Variants in LRCH2 observed in about 807,000 individuals in gnomAD.
LRCH2 encodes the protein leucine rich repeats and calponin homology domain containing 2, also known as leucine-rich repeat and calponin homology domain-containing protein 2.
In LRCH2, 38 loss-of-function variants were observed where a neutral mutation model predicts 68.9. That is an observed-to-expected ratio of 0.55 (90% CI 0.43 to 0.72). The LOEUF (loss-of-function observed/expected upper bound fraction) is 0.72. LRCH2 is among the 30% of genes least tolerant of loss of function. The probability of loss-of-function intolerance (pLI) is 0.00; values close to 1 mark genes in which losing one functional copy is unlikely to be tolerated. For missense variants in LRCH2, 528 were observed against 572.9 expected (o/e 0.92, Z 0.80); for synonymous variants, 191 against 208.1 (o/e 0.92, Z 0.71).
At chrX:115,217,383 C>A (rs1484260087) in intron 1 of LRCH2, among the ~76,000 whole-genome samples, 4 of 110,599 alleles carry the variant, frequency 3.6e-5, no homozygotes, top group Non-Finnish European at 7.6e-5. Flanking sequence ...CCCCTGGCCT[C>A]CCACCCCACA....
intron 1 of LRCH2, chrX:115,191,948 A>G (rs782388704): frequency 6.0e-6 from 7 of 1,163,179 alleles, no homozygotes; most frequent in East Asian, 6.6e-5. Context: ...CACTCACCCA[A>G]CGCCTACAGT....
At chrX:115,156,861 T>C (rs1032145845) in intron 11 of LRCH2, among the ~76,000 whole-genome samples, 194 bp from the exon 12 acceptor site, 1 of 111,556 alleles carries the variant, frequency 9.0e-6, no homozygotes, top group Non-Finnish European at 1.9e-5. Context: ...AACTTTTCCA[T>C]GCATCTTCGT....
chrX:115,184,306 T>C, intron 3 of LRCH2, 105 bp downstream of exon 3: 2 of 644,615 alleles, frequency 3.1e-6, no homozygotes, highest in Non-Finnish European at 4.4e-6. Flanking sequence ...ACCAAGTTAG[T>C]ACTTTTTTTA....
intron 12 of LRCH2, among the ~76,000 whole-genome samples, chrX:115,155,128 T>C (rs1259791895): frequency 9.6e-6 from 1 of 104,121 alleles, no homozygotes; most frequent in African/African-American, 3.5e-5. Context: ...ACAGGATATA[T>C]AAAGTTCATC....
At chrX:115,166,151 A>T in intron 7 of LRCH2, 104 bp downstream of exon 7, 1 of 671,701 alleles carries the variant, frequency 1.5e-6, no homozygotes. Flanking sequence ...AAATATAATG[A>T]TCATATTTTC....
At chrX:115,225,951 G>A (rs1396088918) in intron 1 of LRCH2, among the ~76,000 whole-genome samples, 3 of 111,700 alleles carry the variant, frequency 2.7e-5, no homozygotes, top group Non-Finnish European at 3.8e-5. Context: ...TGTTTTGGAG[G>A]GCACATAGAT....
intron 20 of LRCH2, among the ~76,000 whole-genome samples, chrX:115,115,937 A>G (rs2072078272): frequency 1.8e-5 from 2 of 111,260 alleles, no homozygotes; most frequent in Admixed American, 1.9e-4. Flanking sequence ...CAATAAGCAC[A>G]AGAAAAGATG....
chrX:115,191,882 G>T, intron 1 of LRCH2: 1 of 1,165,659 alleles, frequency 8.6e-7, no homozygotes, highest in Non-Finnish European at 1.1e-6. Context: ...CCCTGCAGAG[G>T]AGGAGGCCGC....
chrX:115,189,513 C>A, intron 1 of LRCH2: 1 of 1,182,645 alleles, frequency 8.5e-7, no homozygotes, highest in East Asian at 3.1e-5. Context: ...AGAAAGCCCT[C>A]AAAGCCGAGT....
At chrX:115,124,816 C>T (rs182267463) in intron 16 of LRCH2, among the ~76,000 whole-genome samples, 1 of 111,637 alleles carries the variant, frequency 9.0e-6, no homozygotes, top group Admixed American at 9.5e-5. Flanking sequence ...AGGATCATAC[C>T]TATTTTATGG....
intron 6 of LRCH2, among the ~76,000 whole-genome samples, chrX:115,169,969 T>A (rs1207873140): frequency 9.0e-6 from 1 of 111,611 alleles, no homozygotes; most frequent in Non-Finnish European, 1.9e-5. Flanking sequence ...CAGTTCAAAG[T>A]CAAATTCTAC....
intron 1 of LRCH2, chrX:115,190,298 G>A: frequency 8.7e-7 from 1 of 1,151,456 alleles, no homozygotes; most frequent in Non-Finnish European, 1.2e-6. Flanking sequence ...GGCTACAGGG[G>A]TCGCGACCAT....
At chrX:115,232,144 C>T (rs1039263565) in intron 1 of LRCH2, among the ~76,000 whole-genome samples, 13 of 107,759 alleles carry the variant, frequency 1.2e-4, no homozygotes, top group Non-Finnish European at 2.3e-4. Context: ...AATAAGGTTG[C>T]AACAATAAAG....
intron 1 of LRCH2, among the ~76,000 whole-genome samples, chrX:115,197,518 G>A (rs906800592): frequency 3.6e-5 from 4 of 111,045 alleles, no homozygotes; most frequent in African/African-American, 6.6e-5. Flanking sequence ...TTGGGAGGCC[G>A]AGGTAAGAGG....
At chrX:115,190,750 G>A (rs1556558067) in intron 1 of LRCH2, 1 of 1,165,914 alleles carries the variant, frequency 8.6e-7, no homozygotes, top group Non-Finnish European at 1.1e-6. Flanking sequence ...CCGCAGCGGG[G>A]GCCGCTCCAC....
At chrX:115,121,643 ACT>A (rs2147344657) in intron 20 of LRCH2, among the ~76,000 whole-genome samples, 1 of 112,190 alleles carries the variant, frequency 8.9e-6, no homozygotes, top group East Asian at 2.8e-4. Context: ...ACAGCGTGAG[ACT>A]CTGTCTCAAA....
intron 1 of LRCH2, among the ~76,000 whole-genome samples, chrX:115,228,325 G>T (rs1446057990): frequency 2.7e-5 from 3 of 111,147 alleles, no homozygotes; most frequent in African/African-American, 9.8e-5. Context: ...AATGTTTTAA[G>T]AAGCACCCAA....
intron 20 of LRCH2, among the ~76,000 whole-genome samples, chrX:115,115,377 T>G (rs2072073507): frequency 1.8e-5 from 2 of 110,619 alleles, no homozygotes; most frequent in African/African-American, 6.5e-5. Context: ...AAACTGAGAA[T>G]CCAGAAATAA....
At chrX:115,214,582 A>G (rs1556570915) in intron 1 of LRCH2, among the ~76,000 whole-genome samples, 1 of 112,397 alleles carries the variant, frequency 8.9e-6, no homozygotes, top group African/African-American at 3.2e-5. Flanking sequence ...AGAAAAAAAC[A>G]ACTTGTAGAC....
Sources: allele counts gnomAD v4.1 joint callset (sites outside exome capture counted in the v4.1 genomes callset), GRCh38; gene constraint gnomAD v4.1.1; transcripts MANE v1.5; gene names NCBI Gene and HGNC (gene_info 2026-07-23, HGNC 2026-07-21).